The following GRM1 variants were observed in gnomAD, a reference collection of about 807,000 sequenced individuals.
GRM1 encodes metabotropic glutamate receptor 1.
A neutral mutation model predicts 90.9 loss-of-function variants in GRM1; 33 were observed. That is an observed-to-expected ratio of 0.36 (90% CI 0.28 to 0.49). The LOEUF (loss-of-function observed/expected upper bound fraction) is 0.49. Ranked by LOEUF, GRM1 falls within the 20% of genes least tolerant of loss-of-function variation. The pLI is 0.99. For missense variants in GRM1, 1,190 were observed against 1,534.3 expected (o/e 0.78, Z 3.75); for synonymous variants, 700 against 613.2 (o/e 1.14, Z -2.09).
chr6:146,304,964 A>T, intron 3 of GRM1, 118 bp downstream of exon 3: 1 of 758,098 alleles, frequency 1.3e-6, no homozygotes. Context: ...CAAAATTGCC[A>T]TCTGTGTTTA....
chr6:146,358,154 C>A (rs1785660115), intron 5 of GRM1, among the ~76,000 whole-genome samples: 1 of 152,192 alleles, frequency 6.6e-6, no homozygotes, highest in Admixed American at 6.5e-5. Context: ...TCTACCTAGT[C>A]CTTTGATTCT....
chr6:146,394,844 A>G lies in GRM1; in HGVS notation c.1730-3925A>G, dbSNP rs149857436. Among the ~76,000 whole-genome samples the G allele has an allele frequency of 6.6e-4, 101 of 152,238 alleles. 1 individual carries two copies. The East Asian group carries it at 0.017, about 26-fold the overall frequency. On this transcript the variant is annotated intron_variant, in intron 6 of 7. Coordinates refer to ENST00000282753, the MANE Select transcript of GRM1 (RefSeq NM_001278064.2). Reference sequence around the variant, plus strand: ...TCATAGAGAGGCACAACCATATACAATCCATCTGGAGATGCTCAAAGGTTT... The same window carrying G: ...TCATAGAGAGGCACAACCATATACAGTCCATCTGGAGATGCTCAAAGGTTT...
chr6:146,195,876 A>G (rs1779097594), intron 2 of GRM1, among the ~76,000 whole-genome samples: 1 of 152,220 alleles, frequency 6.6e-6, no homozygotes, highest in African/African-American at 2.4e-5. Flanking sequence ...ATAGAATTGC[A>G]GTGCTGGTGA....
chr6:146,092,458 C>A (rs1375279242), intron 1 of GRM1, among the ~76,000 whole-genome samples: 1 of 152,042 alleles, frequency 6.6e-6, no homozygotes, highest in African/African-American at 2.4e-5. Context: ...AAAATATTAA[C>A]ATTTTTATGT....
chr6:146,423,660 C>T (rs1221814480), intron 7 of GRM1, among the ~76,000 whole-genome samples: 1 of 151,984 alleles, frequency 6.6e-6, no homozygotes, highest in Non-Finnish European at 1.5e-5. Flanking sequence ...GTCCAATTTC[C>T]GGGAGACACA....
At chr6:146,314,179 G>A (rs1299373245) in intron 3 of GRM1, among the ~76,000 whole-genome samples, 4 of 138,902 alleles carry the variant, frequency 2.9e-5, no homozygotes, top group African/African-American at 1.1e-4. Context: ...CGATTCTCCT[G>A]CCTCAATCTC....
chr6:146,042,559 C>A (rs1320068699), intron 1 of GRM1, among the ~76,000 whole-genome samples: 1 of 151,758 alleles, frequency 6.6e-6, no homozygotes, highest in Non-Finnish European at 1.5e-5. Flanking sequence ...TAGTGAAGTT[C>A]GGGAAAGAGG....
chr6:146,370,502 T>G (rs1427359648), intron 5 of GRM1, among the ~76,000 whole-genome samples: 1 of 152,118 alleles, frequency 6.6e-6, no homozygotes, highest in African/African-American at 2.4e-5. Context: ...GGCATTTTAT[T>G]TCCCCTTCTA....
intron 2 of GRM1, among the ~76,000 whole-genome samples, chr6:146,240,658 G>A (rs1057294039): frequency 6.6e-6 from 1 of 152,156 alleles, no homozygotes; most frequent in Admixed American, 6.6e-5. Flanking sequence ...GTGACACAGA[G>A]CAGGATGAAG....
intron 2 of GRM1, among the ~76,000 whole-genome samples, chr6:146,252,038 C>T (rs1781305768): frequency 6.6e-6 from 1 of 152,166 alleles, no homozygotes; most frequent in African/African-American, 2.4e-5. Flanking sequence ...TTCCTTACAT[C>T]CCTCTTTTTC....
At chr6:146,382,322 T>TAA (rs5880673) in intron 5 of GRM1, among the ~76,000 whole-genome samples, 2 of 143,148 alleles carry the variant, frequency 1.4e-5, no homozygotes, top group African/African-American at 2.6e-5. Context: ...ACCTAAGATT[T>TAA]AAAAAAAAAA....
chr6:146,423,796 G>T (rs544493056), intron 7 of GRM1, among the ~76,000 whole-genome samples: 61 of 152,268 alleles, frequency 4.0e-4, no homozygotes, highest in South Asian at 1.7e-3. Context: ...CCAGCAGGCA[G>T]GACCAGCTGC....
intron 1 of GRM1, among the ~76,000 whole-genome samples, chr6:146,032,920 T>C (rs1037299342): frequency 6.6e-6 from 1 of 152,210 alleles, no homozygotes; most frequent in Non-Finnish European, 1.5e-5. Flanking sequence ...TATTACTTTT[T>C]TTTATATTGA....
chr6:146,419,608 C>T (rs1163875823), intron 7 of GRM1, among the ~76,000 whole-genome samples: 1 of 152,130 alleles, frequency 6.6e-6, no homozygotes, highest in Admixed American at 6.5e-5. Context: ...TCTAATTGAC[C>T]CACAGTTCCA....
intron 1 of GRM1, among the ~76,000 whole-genome samples, chr6:146,156,678 T>G (rs574120171): frequency 4.6e-5 from 7 of 152,344 alleles, no homozygotes; most frequent in Non-Finnish European, 8.8e-5. Flanking sequence ...CTCAATAAAT[T>G]ACTTGAACAA....
rs560577841 is a variant in GRM1, at chr6:146,323,809, T to A, written c.1186+18963T>A. ...GGATCCAGTTTCAGCTTTCTACATA[T>A]GGCTAGCCTGTTTTCCCAGCACCAT... On this transcript the variant is annotated intron_variant, in intron 3 of 7. Transcript: ENST00000282753. Among the ~76,000 whole-genome samples, 8 of 152,350 alleles carry A rather than the reference T, an allele frequency of 5.3e-5. No individual in the cohort carries two copies. The East Asian group carries it at 1.2e-3, about 22-fold the overall frequency.
chr6:146,125,858 G>A (rs144825082), intron 1 of GRM1, among the ~76,000 whole-genome samples: 13 of 152,108 alleles, frequency 8.5e-5, no homozygotes, highest in African/African-American at 2.6e-4. Flanking sequence ...ATGTTTAAAA[G>A]AAATGAAAAT....
intron 1 of GRM1, among the ~76,000 whole-genome samples, chr6:146,102,327 G>C (rs1224359633): frequency 6.6e-6 from 1 of 152,152 alleles, no homozygotes; most frequent in Non-Finnish European, 1.5e-5. Flanking sequence ...TGCCTGTCTT[G>C]TAACTATTGA....
chr6:146,307,171 C>A (rs901215629), intron 3 of GRM1, among the ~76,000 whole-genome samples: 1 of 152,162 alleles, frequency 6.6e-6, no homozygotes, highest in African/African-American at 2.4e-5. Flanking sequence ...TTAGTATTCA[C>A]AGCAAGAAAT....
Sources: gnomAD v4.1 joint callset for allele counts (sites outside exome capture counted in the v4.1 genomes callset) on GRCh38, gnomAD v4.1.1 for gene constraint, MANE v1.5 for transcripts, NCBI Gene and HGNC (gene_info 2026-07-23, HGNC 2026-07-21) for gene names.